The following LYRM4 variants were observed in gnomAD, a reference collection of about 807,000 sequenced individuals.
LYRM4 encodes LYR motif-containing protein 4.
In LYRM4, 9 loss-of-function variants were observed where a neutral mutation model predicts 11.7. The ratio of observed to expected loss-of-function variants is 0.77; its 90% CI spans 0.46 to 1.34. The LOEUF is 1.34. LYRM4 is among the 40% of genes most tolerant of loss of function. LYRM4 has a pLI of 0.00. For synonymous variants in LYRM4, 42 were observed against 40.4 expected, an observed-to-expected ratio of 1.04 and a Z score of -0.15; for missense variants, 133 against 112.5, an observed-to-expected ratio of 1.18 and a Z score of -0.82.
chr6:5,176,372 A>C (rs116562965), intron 2 of LYRM4, among the ~76,000 whole-genome samples: 2,249 of 152,256 alleles, frequency 0.015, 55 homozygotes, highest in African/African-American at 0.052. Context: ...CTACGCTATT[A>C]AATTTTAAGG....
intron 1 of LYRM4, among the ~76,000 whole-genome samples, chr6:5,252,376 C>A (rs1356368241): frequency 6.6e-6 from 1 of 152,176 alleles, no homozygotes; most frequent in Non-Finnish European, 1.5e-5. Context: ...TGCCTTGAAA[C>A]CTATTTCGTT....
At chr6:5,081,430 C>G in the LYRM4 span, among the ~76,000 whole-genome samples, 1 of 152,186 alleles carries the variant, frequency 6.6e-6, no homozygotes, top group African/African-American at 2.4e-5. Flanking sequence ...GGGTGCACAC[C>G]GTTTCTGCTT....
intron 2 of LYRM4, among the ~76,000 whole-genome samples, chr6:5,207,682 C>G (rs1007893263): frequency 6.6e-6 from 1 of 152,142 alleles, no homozygotes; most frequent in Non-Finnish European, 1.5e-5. Context: ...AAATTCTGAG[C>G]AAATACTTCT....
the LYRM4 span, chr6:5,066,926 G>A: frequency 4.5e-6 from 5 of 1,115,120 alleles, no homozygotes; most frequent in Non-Finnish European, 6.2e-6. Context: ...AGCGACCAGC[G>A]CCCCCCAAGG....
chr6:5,101,684 A>G (rs1047422040), downstream of LYRM4, among the ~76,000 whole-genome samples: 1 of 152,188 alleles, frequency 6.6e-6, no homozygotes, highest in African/African-American at 2.4e-5. Flanking sequence ...TCACACAGCC[A>G]GCTAGTGGCT....
At chr6:5,235,489 T>C (rs1224589251) in intron 1 of LYRM4, among the ~76,000 whole-genome samples, 5 of 152,192 alleles carry the variant, frequency 3.3e-5, no homozygotes, top group East Asian at 3.8e-4. Flanking sequence ...TTTTGGACAA[T>C]AGTTTTATGT....
rs542469353 is a variant in LYRM4, at chr6:5,189,431, G to C, written c.207+27187C>G. On this transcript the variant is annotated intron_variant, in intron 2 of 2. Coordinates refer to ENST00000330636, the MANE Select transcript of LYRM4 (RefSeq NM_020408.6). ...GTTAGTGGTGAGCCTAAGGTTAGTG[G>C]TGAGCCTAAGGTTAGTGCTTAGCCT... Among the ~76,000 whole-genome samples the C allele has an allele frequency of 1.4e-3, 208 of 152,068 alleles. 2 individuals carry two copies. The highest frequency in any genetic ancestry group is 1.9e-3 in the Non-Finnish European group (127 of 67,982).
the LYRM4 span, among the ~76,000 whole-genome samples, chr6:5,059,801 CT>C: frequency 0.022 from 3,202 of 143,526 alleles, 79 homozygotes; most frequent in African/African-American, 0.066. Context: ...GTTAATCTGC[CT>C]TTTTTTTTTT....
chr6:5,071,783 A>T, the LYRM4 span, among the ~76,000 whole-genome samples: 1 of 152,070 alleles, frequency 6.6e-6, no homozygotes, highest in Admixed American at 6.5e-5. Flanking sequence ...GATTACAGGC[A>T]TGCACCACCA....
At chr6:5,164,006 A>G (rs1297511044) in intron 2 of LYRM4, among the ~76,000 whole-genome samples, 1 of 152,236 alleles carries the variant, frequency 6.6e-6, no homozygotes, top group African/African-American at 2.4e-5. Context: ...CTATAAATAC[A>G]TGAAAAGGCA....
chr6:5,260,605 CCCCTGGCCCCCCG>C, intron 1 of LYRM4, 30 bp downstream of exon 1: 3 of 822,268 alleles, frequency 3.6e-6, no homozygotes, highest in Non-Finnish European at 3.9e-6. Flanking sequence ...CGGTCCCCGG[CCCCTGGCCCCCCG>C]CCCCCGGCCC....
At chr6:5,102,920 G>A (rs1762548045), downstream of LYRM4, 1 of 152,226 alleles carries the variant, frequency 6.6e-6, no homozygotes, top group Admixed American at 6.5e-5. Flanking sequence ...ATTGACCTCT[G>A]AGAGTTTTCC....
At chr6:5,169,952 G>A (rs1438977904) in intron 2 of LYRM4, among the ~76,000 whole-genome samples, 2 of 152,212 alleles carry the variant, frequency 1.3e-5, no homozygotes, top group African/African-American at 2.4e-5. Flanking sequence ...GGGGTATTAC[G>A]GACAAGGTAC....
At chr6:5,092,134 G>A in the LYRM4 span, among the ~76,000 whole-genome samples, 1 of 152,212 alleles carries the variant, frequency 6.6e-6, no homozygotes. Context: ...ACATCCTGCA[G>A]ATGGTTTTTC....
At chr6:5,115,359 A>G (rs1763070621) in intron 2 of LYRM4, among the ~76,000 whole-genome samples, 1 of 152,194 alleles carries the variant, frequency 6.6e-6, no homozygotes, top group Admixed American at 6.5e-5. Context: ...CACACTTATC[A>G]TGCCGCAGAA....
At chr6:5,185,319 T>A (rs1760324803) in intron 2 of LYRM4, among the ~76,000 whole-genome samples, 1 of 152,032 alleles carries the variant, frequency 6.6e-6, no homozygotes, top group Non-Finnish European at 1.5e-5. Context: ...GCTAAGCCAG[T>A]GGAAAGAGCA....
At chr6:5,040,352 G>GATACATACATAC in the LYRM4 span, among the ~76,000 whole-genome samples, 11 of 130,194 alleles carry the variant, frequency 8.4e-5, no homozygotes, top group South Asian at 2.4e-4. Flanking sequence ...TAGATAGATA[G>GATACATACATAC]ATACATACAT....
chr6:5,214,312 C>T (rs984765666), intron 2 of LYRM4, among the ~76,000 whole-genome samples: 2 of 152,120 alleles, frequency 1.3e-5, no homozygotes, highest in African/African-American at 2.4e-5. Context: ...GAGGGAGCTA[C>T]AGGAACATTT....
chr6:5,101,968 C>CTT (rs397826404), downstream of LYRM4, among the ~76,000 whole-genome samples: 8,013 of 67,992 alleles, frequency 0.12, 1,551 homozygotes, highest in South Asian at 0.32. Context: ...CTAATGCTTT[C>CTT]TTTTTTTTTT....
Sources: allele counts gnomAD v4.1 joint callset (sites outside exome capture counted in the v4.1 genomes callset), GRCh38; gene constraint gnomAD v4.1.1; transcripts MANE v1.5; gene names NCBI Gene and HGNC (gene_info 2026-07-23, HGNC 2026-07-21).